WWOX: variants seen among roughly 807,000 people sequenced by gnomAD.
WWOX encodes the protein WW domain-containing oxidoreductase.
WWOX carries 69 observed loss-of-function variants against 46.2 expected under a neutral mutation model. That is an observed-to-expected ratio of 1.49 (90% confidence interval 1.23 to 1.82). WWOX has a LOEUF of 1.82. Among genes scored for constraint, WWOX ranks in the 40% most tolerant of loss-of-function variants. The pLI is 0.00. For synonymous variants in WWOX, 359 were observed against 202.6 expected, an observed-to-expected ratio of 1.77 and a Z score of -6.56; for missense variants, 919 against 542.6, an observed-to-expected ratio of 1.69 and a Z score of -6.89.
At chr16:78,330,069 T>A (rs2080719847) in intron 5 of WWOX, among the ~76,000 whole-genome samples, 2 of 152,196 alleles carry the variant, frequency 1.3e-5, no homozygotes, top group African/African-American at 4.8e-5. Context: ...TTTGTCTTTT[T>A]CTAATAACCA....
intron 8 of WWOX, among the ~76,000 whole-genome samples, chr16:78,531,590 C>A (rs2043622951): frequency 6.6e-6 from 1 of 152,112 alleles, no homozygotes; most frequent in Non-Finnish European, 1.5e-5. Flanking sequence ...TGACTGTAAT[C>A]CCAGCACTTT....
At chr16:78,149,315 A>C (rs1473890800) in intron 4 of WWOX, among the ~76,000 whole-genome samples, 1 of 152,232 alleles carries the variant, frequency 6.6e-6, no homozygotes, top group Non-Finnish European at 1.5e-5. Flanking sequence ...AATTAAGTCT[A>C]TAATTGTAAA....
At chr16:78,940,803 C>G (rs1471183075) in intron 8 of WWOX, among the ~76,000 whole-genome samples, 1 of 151,630 alleles carries the variant, frequency 6.6e-6, no homozygotes, top group South Asian at 2.1e-4. Flanking sequence ...TATCCTGGTC[C>G]TTAGAGTCTT....
chr16:78,153,280 G>A (rs971847917), intron 4 of WWOX, among the ~76,000 whole-genome samples: 2 of 152,190 alleles, frequency 1.3e-5, no homozygotes, highest in Non-Finnish European at 2.9e-5. Flanking sequence ...GGAAATGCCT[G>A]TGGGGGAGTT....
intron 6 of WWOX, among the ~76,000 whole-genome samples, chr16:78,418,900 A>G (rs8056028): frequency 0.015 from 2,247 of 152,176 alleles, 48 homozygotes; most frequent in East Asian, 0.062. Flanking sequence ...AAGGATATTC[A>G]CTCTCATCAC....
intron 4 of WWOX, among the ~76,000 whole-genome samples, chr16:78,149,843 A>G (rs1041848192): frequency 6.6e-6 from 1 of 152,108 alleles, no homozygotes; most frequent in Non-Finnish European, 1.5e-5. Context: ...AGCTGCTTCT[A>G]GTGTGTGCTC....
At chr16:78,753,379 A>C (rs771823126) in intron 8 of WWOX, among the ~76,000 whole-genome samples, 1 of 152,178 alleles carries the variant, frequency 6.6e-6, no homozygotes, top group Non-Finnish European at 1.5e-5. Flanking sequence ...TTATCCAGGT[A>C]CAAAGACAAT....
chr16:78,807,969 G>C (rs540882645), intron 8 of WWOX, among the ~76,000 whole-genome samples: 15 of 152,326 alleles, frequency 9.8e-5, no homozygotes, highest in African/African-American at 3.4e-4. Context: ...CTGCTTTGGA[G>C]ACTGGTTCTC....
intron 8 of WWOX, among the ~76,000 whole-genome samples, chr16:79,052,058 C>CT (rs34583151): frequency 0.19 from 28,565 of 147,896 alleles, 2,934 homozygotes; most frequent in East Asian, 0.42. Context: ...TTTAATTATA[C>CT]TTTAAGTTTT....
intron 8 of WWOX, among the ~76,000 whole-genome samples, chr16:78,980,114 C>T (rs928852397): frequency 4.6e-5 from 7 of 152,278 alleles, no homozygotes; most frequent in African/African-American, 7.2e-5. Context: ...GGCAACAGAG[C>T]GAGACTCCAT....
chr16:78,838,034 C>T (rs541072034), intron 8 of WWOX, among the ~76,000 whole-genome samples: 1 of 152,170 alleles, frequency 6.6e-6, no homozygotes. Context: ...TTGAGAAAGA[C>T]TGGCACAGTT....
At chr16:78,374,911 G>A (rs959656486) in intron 5 of WWOX, among the ~76,000 whole-genome samples, 1 of 151,860 alleles carries the variant, frequency 6.6e-6, no homozygotes, top group Non-Finnish European at 1.5e-5. Context: ...GTCTCAAACT[G>A]TTGACCTTAG....
rs913753207 is a variant in WWOX, at chr16:79,067,363, C to G, written c.1057-144245C>G. 2.6e-5 allele frequency among the ~76,000 whole-genome samples: 4 copies of G among 152,214 alleles called. No individual in the cohort carries two copies. In the East Asian group the frequency reaches 5.8e-4, roughly 22 times the overall value. ...TCAAAATGGCTGTTGTCTGCTCTCG[C>G]TCTCTCTCTTTCTCTCTCTCTGCTT... On this transcript the variant is annotated intron_variant, in intron 8 of 8. Coordinates refer to ENST00000566780, the MANE Select transcript of WWOX (RefSeq NM_016373.4).
chr16:78,891,634 G>A (rs1334920740), intron 8 of WWOX: 1 of 152,154 alleles, frequency 6.6e-6, no homozygotes, highest in African/African-American at 2.4e-5. Context: ...ACTTTTTCAA[G>A]GTGGCATAAA....
chr16:78,191,120 T>A (rs1032961913), intron 5 of WWOX, among the ~76,000 whole-genome samples: 1 of 152,200 alleles, frequency 6.6e-6, no homozygotes, highest in African/African-American at 2.4e-5. Context: ...ATGATGCCGC[T>A]GGACCACTGG....
chr16:78,150,525 C>G (rs982409569), intron 4 of WWOX, among the ~76,000 whole-genome samples: 2 of 152,144 alleles, frequency 1.3e-5, no homozygotes, highest in Non-Finnish European at 2.9e-5. Context: ...ACTACAGTTG[C>G]ACACCACCAT....
chr16:78,752,068 C>G (rs956918278), intron 8 of WWOX, among the ~76,000 whole-genome samples: 1 of 152,268 alleles, frequency 6.6e-6, no homozygotes, highest in African/African-American at 2.4e-5. Context: ...AACATAAATT[C>G]TAACATTGGT....
intron 5 of WWOX, among the ~76,000 whole-genome samples, chr16:78,300,842 G>T (rs2080027543): frequency 1.3e-5 from 2 of 152,146 alleles, no homozygotes; most frequent in Admixed American, 6.5e-5. Flanking sequence ...TAGGTTGTCA[G>T]TGTCTCCAGG....
chr16:79,062,381 A>T (rs1433239382), intron 8 of WWOX, among the ~76,000 whole-genome samples: 1 of 152,192 alleles, frequency 6.6e-6, no homozygotes, highest in East Asian at 1.9e-4. Flanking sequence ...GTGGAGGGAC[A>T]ACTGGGATTT....
Sources: gnomAD v4.1 joint callset for allele counts (sites outside exome capture counted in the v4.1 genomes callset) on GRCh38, gnomAD v4.1.1 for gene constraint, MANE v1.5 for transcripts, NCBI Gene and HGNC (gene_info 2026-07-23, HGNC 2026-07-21) for gene names.